The following GABRB1 variants were observed in gnomAD, a reference collection of about 807,000 sequenced individuals.
GABRB1 encodes the protein gamma-aminobutyric acid type A receptor subunit beta1.
A neutral mutation model predicts 51.6 loss-of-function variants in GABRB1; 17 were observed. The ratio of observed to expected loss-of-function variants is 0.33; its 90% CI spans 0.23 to 0.49. The LOEUF (loss-of-function observed/expected upper bound fraction) is 0.49, where lower values mean the gene tolerates loss of function less well. Ranked by LOEUF, GABRB1 falls within the 20% of genes least tolerant of loss-of-function variation. The probability of loss-of-function intolerance (pLI) is 0.99; values close to 1 mark genes in which losing one functional copy is unlikely to be tolerated. For missense variants in GABRB1, 410 were observed against 600.6 expected (o/e 0.68, Z 3.32); for synonymous variants, 247 against 218.9 (o/e 1.13, Z -1.14).
At chr4:47,253,516 C>G (rs567748256) in intron 4 of GABRB1, among the ~76,000 whole-genome samples, 2 of 152,152 alleles carry the variant, frequency 1.3e-5, no homozygotes, top group African/African-American at 4.8e-5. Flanking sequence ...TGCAATTTCT[C>G]TCTTCCTCTG....
intron 4 of GABRB1, among the ~76,000 whole-genome samples, chr4:47,311,164 C>T (rs756059632): frequency 1.8e-4 from 27 of 150,382 alleles, no homozygotes; most frequent in Non-Finnish European, 3.4e-4. Context: ...GAGGCCAAGG[C>T]GGGTGGATCA....
chr4:47,026,683 A>G (rs915500555), upstream of GABRB1, among the ~76,000 whole-genome samples: 3 of 152,050 alleles, frequency 2.0e-5, no homozygotes, highest in African/African-American at 7.2e-5. Context: ...CTTGGATAGC[A>G]TGGTCTTCTG....
At chr4:47,181,128 C>A (rs1041000823) in intron 4 of GABRB1, among the ~76,000 whole-genome samples, 1 of 151,946 alleles carries the variant, frequency 6.6e-6, no homozygotes, top group Non-Finnish European at 1.5e-5. Flanking sequence ...TCACCATTTT[C>A]TCTATACTTT....
At chr4:47,294,650 C>T (rs1316295578) in intron 4 of GABRB1, among the ~76,000 whole-genome samples, 1 of 152,248 alleles carries the variant, frequency 6.6e-6, no homozygotes, top group Non-Finnish European at 1.5e-5. Flanking sequence ...GGCCTGTCTG[C>T]CTTTGTAGGC....
chr4:46,994,904 T>G (rs1445646353), intron 1 of GABRB1, among the ~76,000 whole-genome samples: 1 of 152,138 alleles, frequency 6.6e-6, no homozygotes, highest in African/African-American at 2.4e-5. Context: ...GGGGTTTTGG[T>G]TTTTTTGTGT....
chr4:47,096,931 A>G (rs989619300), intron 3 of GABRB1, among the ~76,000 whole-genome samples: 1 of 152,180 alleles, frequency 6.6e-6, no homozygotes, highest in African/African-American at 2.4e-5. Context: ...TCTAACGCAC[A>G]CACAACTGTA....
intron 3 of GABRB1, among the ~76,000 whole-genome samples, chr4:47,138,438 G>A (rs957721785): frequency 6.6e-6 from 1 of 151,962 alleles, no homozygotes; most frequent in African/African-American, 2.4e-5. Context: ...GTTCTGATGG[G>A]GGCTGACACT....
At chr4:47,226,573 C>A (rs896077906) in intron 4 of GABRB1, among the ~76,000 whole-genome samples, 2 of 152,096 alleles carry the variant, frequency 1.3e-5, no homozygotes, top group Non-Finnish European at 2.9e-5. Context: ...TTATACCTAG[C>A]CAAATCTCTT....
intron 4 of GABRB1, 111 bp downstream of exon 4, chr4:47,161,580 ATGGGG>A (rs932380307): frequency 5.2e-6 from 4 of 771,348 alleles, no homozygotes; most frequent in Non-Finnish European, 8.4e-6. Context: ...GAATATATAA[ATGGGG>A]TGTCATATAC....
chr4:47,247,599 AT>A (rs913396873), intron 4 of GABRB1, among the ~76,000 whole-genome samples: 166 of 151,116 alleles, frequency 1.1e-3, no homozygotes, highest in Non-Finnish European at 1.4e-3. Context: ...GAATTTGTAG[AT>A]TTTTTTTTGG....
At chr4:47,027,889 G>A (rs187184817), upstream of GABRB1, among the ~76,000 whole-genome samples, 242 of 151,622 alleles carry the variant, frequency 1.6e-3, 4 homozygotes, top group African/African-American at 5.7e-3. Flanking sequence ...TTGAACAGAA[G>A]GCAAATGCCA....
intron 4 of GABRB1, among the ~76,000 whole-genome samples, chr4:47,183,501 T>C (rs1358925442): frequency 1.3e-5 from 2 of 151,492 alleles, no homozygotes; most frequent in Non-Finnish European, 3.0e-5. Flanking sequence ...AGCACCCTTC[T>C]GTCTTCTGGA....
intron 5 of GABRB1, among the ~76,000 whole-genome samples, chr4:47,402,138 TG>T (rs1042558004): frequency 2.6e-5 from 4 of 151,982 alleles, no homozygotes; most frequent in African/African-American, 9.7e-5. Flanking sequence ...GGGAAGGGAG[TG>T]GGGAAAAATA....
intron 3 of GABRB1, among the ~76,000 whole-genome samples, chr4:47,157,002 T>C (rs976988315): frequency 6.6e-6 from 1 of 152,100 alleles, no homozygotes; most frequent in African/African-American, 2.4e-5. Context: ...AATGTCGTTT[T>C]GGAGTTTCAT....
intron 4 of GABRB1, among the ~76,000 whole-genome samples, chr4:47,200,364 T>C (rs1199444020): frequency 6.6e-6 from 1 of 152,096 alleles, no homozygotes; most frequent in Non-Finnish European, 1.5e-5. Flanking sequence ...ATTGCAGAAG[T>C]CCAGCTGCTG....
At chr4:47,305,497 A>G (rs1289389049) in intron 4 of GABRB1, among the ~76,000 whole-genome samples, 2 of 152,124 alleles carry the variant, frequency 1.3e-5, no homozygotes, top group Non-Finnish European at 2.9e-5. Flanking sequence ...ATTACCTTAC[A>G]CATCAATTCT....
rs547060342 is a variant in GABRB1 at position 47,352,692 on chromosome 4, G to A, written c.544+32483G>A. 3.3e-4 allele frequency among the ~76,000 whole-genome samples: 51 copies of A among 152,246 alleles called. 2 individuals carry two copies. The highest frequency in any genetic ancestry group is 1.2e-3 in the African/African-American group (48 of 41,546). On this transcript the variant is annotated intron_variant, in intron 5 of 8. Coordinates refer to ENST00000295454, the MANE Select transcript of GABRB1 (RefSeq NM_000812.4). Reference sequence around the variant, plus strand: ...GATACTGTTTTATTCTAGATTCTCAGTACATTGTTACATTCTAATTTACCT... The same window carrying A: ...GATACTGTTTTATTCTAGATTCTCAATACATTGTTACATTCTAATTTACCT...
chr4:47,062,977 T>C (rs1414924943), intron 3 of GABRB1, among the ~76,000 whole-genome samples: 1 of 152,174 alleles, frequency 6.6e-6, no homozygotes, highest in East Asian at 1.9e-4. Flanking sequence ...AAATCCATTC[T>C]CCATATGGAA....
At chr4:47,370,368 TC>T (rs1727145184) in intron 5 of GABRB1, among the ~76,000 whole-genome samples, 1 of 151,824 alleles carries the variant, frequency 6.6e-6, no homozygotes, top group African/African-American at 2.4e-5. Flanking sequence ...GCACCTGTAG[TC>T]CCAGCTACTC....
Sources: allele counts gnomAD v4.1 joint callset (sites outside exome capture counted in the v4.1 genomes callset), GRCh38; gene constraint gnomAD v4.1.1; transcripts MANE v1.5; gene names NCBI Gene and HGNC (gene_info 2026-07-23, HGNC 2026-07-21).